The following KLF13 variants were observed in gnomAD, a reference collection of about 807,000 sequenced individuals.
The protein encoded by KLF13 is KLF transcription factor 13.
A neutral mutation model predicts 16.7 loss-of-function variants in KLF13; 8 were observed. The observed-to-expected ratio is 0.48, with a 90% CI of 0.28 to 0.87. The LOEUF is 0.87. KLF13 is among the 40% of genes least tolerant of loss of function. KLF13 has a pLI of 0.10. For synonymous variants in KLF13, 245 were observed against 208.4 expected, an observed-to-expected ratio of 1.18 and a Z score of -1.51; for missense variants, 447 against 452.2, an observed-to-expected ratio of 0.99 and a Z score of 0.10.
chr15:31,327,483 A>G lies in KLF13; in HGVS notation c.271A>G (p.Lys91Glu). ...AERREGAAARKARTPCRLPPP... is the reference protein window; with the variant it reads ...AERREGAAAREARTPCRLPPP... ...GCGCAGGGAGGGCGCCGCGGCCCGG[A>G]AGGCGAGGACCCCCTGCCGCCTGCC... The change falls in exon 1 of 2, where the codon AAG (lysine) becomes GAG (glutamate). Residue 91 changes from lysine (K) to glutamate (E), a missense_variant. This residue lies in a region of KLF13 where 359 missense variants were observed against 282.8 expected (regional missense o/e 1.27). Coordinates refer to ENST00000307145, the MANE Select transcript of KLF13 (RefSeq NM_015995.4). 8.3e-7 allele frequency: 1 copy of G among 1,200,116 alleles called. No individual in the cohort carries two copies. The highest frequency in any genetic ancestry group is 1.0e-6 in the Non-Finnish European group (1 of 968,410). The allele number at this position is 1,200,116 out of a possible 1,614,324, so 74.3% of individuals were successfully genotyped here. A position where few individuals can be genotyped will look rare whatever the true frequency, so the allele number is the denominator to read the frequency against.
chr15:31,420,399 A>G lies in KLF13; in HGVS notation n.118-14971A>G, dbSNP rs2040307107. ...CTAGAGTTCCCCAGTGGCTACCCTT[A>G]CAATGAGCCCACAGTGAAGTTCCTC... On this transcript the variant is annotated intron_variant and non_coding_transcript_variant, in intron 1 of 1. Coordinates refer to the KLF13 transcript ENST00000558225. 4.4e-6 allele frequency: 5 copies of G among 1,140,686 alleles called. No individual in the cohort carries two copies. In the Admixed American group the frequency reaches 8.8e-5, roughly 20 times the overall value. 70.7% of individuals were successfully genotyped at this position (1,140,686 alleles called of 1,614,324 possible). A position where few individuals can be genotyped will look rare whatever the true frequency, so the allele number is the denominator to read the frequency against.
rs2038733390 is a variant in KLF13 at position 31,327,452 on chromosome 15, G to C, written c.240G>C (p.Pro80=). The change falls in exon 1 of 2, where the codon CCG becomes CCC. Residue 80 remains proline (P), a synonymous_variant. Transcript: ENST00000307145. ...ACCAGCAAGCGCCGGCGCCCGCCCC[G>C]GCGGAGCGCAGGGAGGGCGCCGCGG... ...DLNQQAPAPA[P]AERREGAAAR... 1 of 1,240,500 alleles carries C rather than the reference G, an allele frequency of 8.1e-7. No individual in the cohort carries two copies. The highest frequency in any genetic ancestry group is 3.5e-5 in the East Asian group (1 of 28,834). 76.8% of individuals were successfully genotyped at this position (1,240,500 alleles called of 1,614,324 possible).
intron 1 of KLF13, among the ~76,000 whole-genome samples, chr15:31,328,918 C>T (rs757230742): frequency 1.2e-4 from 19 of 152,042 alleles, no homozygotes; most frequent in Non-Finnish European, 2.6e-4. Flanking sequence ...ATACTGTTGT[C>T]TTGTGACCAA....
intron 1 of KLF13, among the ~76,000 whole-genome samples, chr15:31,333,930 A>G (rs748382742): frequency 1.3e-5 from 2 of 151,328 alleles, no homozygotes; most frequent in Admixed American, 6.6e-5. Context: ...CACAGGTGAT[A>G]CTGGGCACTT....
intron 1 of KLF13, among the ~76,000 whole-genome samples, chr15:31,425,883 G>T (rs2040394819): frequency 6.6e-6 from 1 of 151,884 alleles, no homozygotes; most frequent in African/African-American, 2.4e-5. Flanking sequence ...GTCTCAAAAA[G>T]AAAAAAAATC....
chr15:31,329,778 C>T (rs965828015), intron 1 of KLF13, among the ~76,000 whole-genome samples: 2 of 152,196 alleles, frequency 1.3e-5, no homozygotes, highest in South Asian at 2.1e-4. Flanking sequence ...ACTATTCCAC[C>T]CTTCAGGTGT....
At chr15:31,343,646 C>G (rs1014672755) in intron 1 of KLF13, among the ~76,000 whole-genome samples, 2 of 152,208 alleles carry the variant, frequency 1.3e-5, no homozygotes, top group Non-Finnish European at 1.5e-5. Flanking sequence ...GAGATGATTT[C>G]CAACTTCAAG....
At chr15:31,395,448 T>G (rs560573852) in intron 2 of KLF13, among the ~76,000 whole-genome samples, 69 of 152,316 alleles carry the variant, frequency 4.5e-4, no homozygotes, top group Non-Finnish European at 8.5e-4. Flanking sequence ...AAGTTTTCTT[T>G]TTTCCTTATT....
chr15:31,388,765 CAAAAAAAAAAA>C (rs11310230), upstream of KLF13, among the ~76,000 whole-genome samples: 9 of 106,222 alleles, frequency 8.5e-5, no homozygotes, highest in African/African-American at 3.5e-4. Flanking sequence ...TAAAAAATCC[CAAAAAAAAAAA>C]AAAAAAAAAA....
chr15:31,349,231 C>T (rs897539424), intron 1 of KLF13, among the ~76,000 whole-genome samples: 1 of 152,192 alleles, frequency 6.6e-6, no homozygotes, highest in Admixed American at 6.5e-5. Flanking sequence ...CTGTGACTGT[C>T]ATTCCATCTG....
downstream of KLF13, among the ~76,000 whole-genome samples, chr15:31,407,786 G>A (rs2040146397): frequency 6.6e-6 from 1 of 152,088 alleles, no homozygotes; most frequent in South Asian, 2.1e-4. Flanking sequence ...AGTTGAAGGA[G>A]AAAAAATTAT....
intron 1 of KLF13, among the ~76,000 whole-genome samples, chr15:31,431,790 G>A (rs1034475598): frequency 6.6e-6 from 1 of 152,202 alleles, no homozygotes; most frequent in Non-Finnish European, 1.5e-5. Context: ...GCATAATCTT[G>A]AGAGAAAGAA....
chr15:31,367,052 A>C (rs1386463204), intron 1 of KLF13, among the ~76,000 whole-genome samples: 1 of 152,216 alleles, frequency 6.6e-6, no homozygotes, highest in African/African-American at 2.4e-5. Context: ...GCTCCCGCCC[A>C]CATACAGGAA....
chr15:31,330,851 A>C (rs2038818217), intron 1 of KLF13, among the ~76,000 whole-genome samples: 1 of 152,246 alleles, frequency 6.6e-6, no homozygotes, highest in Non-Finnish European at 1.5e-5. Context: ...CCGAGTCCAG[A>C]CCTGGAAAGT....
At chr15:31,361,641 A>T (rs1359542968) in intron 1 of KLF13, among the ~76,000 whole-genome samples, 2 of 152,058 alleles carry the variant, frequency 1.3e-5, no homozygotes, top group African/African-American at 2.4e-5. Context: ...TGGTTGCCAA[A>T]GGCTCTGCAG....
At chr15:31,405,923 A>G (rs972507983), downstream of KLF13, among the ~76,000 whole-genome samples, 3 of 152,236 alleles carry the variant, frequency 2.0e-5, no homozygotes, top group African/African-American at 7.2e-5. Flanking sequence ...AATGAATAGA[A>G]TAAGAGTCAT....
chr15:31,431,055 G>A (rs577397267), intron 1 of KLF13, among the ~76,000 whole-genome samples: 2 of 152,324 alleles, frequency 1.3e-5, no homozygotes, highest in African/African-American at 4.8e-5. Context: ...GATGGGGCAT[G>A]CAGCAGATGA....
intron 1 of KLF13, among the ~76,000 whole-genome samples, chr15:31,344,653 A>G (rs1036604261): frequency 6.6e-6 from 1 of 152,200 alleles, no homozygotes; most frequent in African/African-American, 2.4e-5. Flanking sequence ...CCAAGGGACC[A>G]TTACAGAATT....
At chr15:31,357,480 C>G (rs1026772479) in intron 1 of KLF13, among the ~76,000 whole-genome samples, 1 of 152,252 alleles carries the variant, frequency 6.6e-6, no homozygotes, top group Admixed American at 6.5e-5. Context: ...GGGTGGTCTA[C>G]TGGGCCATCT....
Sources: allele counts gnomAD v4.1 joint callset (sites outside exome capture counted in the v4.1 genomes callset), GRCh38; gene constraint gnomAD v4.1.1; regional missense constraint gnomAD v4.1.1; transcripts MANE v1.5; gene names NCBI Gene and HGNC (gene_info 2026-07-23, HGNC 2026-07-21).